Variants in GEMIN5 observed in about 807,000 individuals in gnomAD.
The protein encoded by GEMIN5 is gem nuclear organelle associated protein 5.
A neutral mutation model predicts 176.9 loss-of-function variants in GEMIN5; 124 were observed. The observed-to-expected ratio is 0.70, with a 90% CI of 0.61 to 0.81. The LOEUF is 0.81. GEMIN5 is among the 40% of genes least tolerant of loss of function. The probability of loss-of-function intolerance (pLI) is 0.00; values close to 1 mark genes in which losing one functional copy is unlikely to be tolerated. For missense variants in GEMIN5, 1,843 were observed against 1,814.6 expected (o/e 1.02, Z -0.28); for synonymous variants, 673 against 665.2 (o/e 1.01, Z -0.18).
Position 154,917,922 on chromosome 5 carries a change from AATAC to A in GEMIN5, c.1673+5_1673+8del. On this transcript the variant is annotated splice_donor_5th_base_variant and intron_variant, in intron 12 of 27. Transcript: ENST00000285873. ...GCAAATTTTTTATCTTAAAGAAGCAAATACATACCCATCTTCATTGCCAAGAGCC... is the reference window on the plus strand; with the variant it reads ...GCAAATTTTTTATCTTAAAGAAGCAAATACCCATCTTCATTGCCAAGAGCC... The A allele has an allele frequency of 6.3e-7, 1 of 1,583,334 alleles. No homozygotes were observed. The highest frequency in any genetic ancestry group is 8.7e-7 in the Non-Finnish European group (1 of 1,152,180).
At chr5:154,892,670 T>C (rs1030970715) in intron 24 of GEMIN5, 121 bp from the exon 25 acceptor site, 1 of 972,960 alleles carries the variant, frequency 1.0e-6, no homozygotes, top group Non-Finnish European at 1.5e-6. Context: ...ACTTTGAAAG[T>C]TCCTCTTGTC....
chr5:154,931,992 C>T (rs886437208), intron 4 of GEMIN5, 107 bp downstream of exon 4: 20 of 962,986 alleles, frequency 2.1e-5, no homozygotes, highest in Non-Finnish European at 4.6e-6. Context: ...GCAACAAAAG[C>T]AAAACTCCGT....
At chr5:154,902,907 A>G (rs1008690277) in intron 19 of GEMIN5, among the ~76,000 whole-genome samples, 173 bp downstream of exon 19, 8 of 152,234 alleles carry the variant, frequency 5.3e-5, no homozygotes, top group Non-Finnish European at 1.2e-4. Context: ...TTAGGATCCT[A>G]TGATGATGCA....
Position 154,924,560 on chromosome 5 carries a change from A to G in GEMIN5, c.1294-6T>C. ...TTGGTTGGGTGCCAGCACAGCTACA[A>G]AAAAAAGAGTTTCCAAGTGAGAATA... On this transcript the variant is annotated splice_polypyrimidine_tract_variant and splice_region_variant and intron_variant, in intron 8 of 27. Transcript: ENST00000285873. The G allele has an allele frequency of 6.3e-7, 1 of 1,591,860 alleles. No individual in the cohort carries two copies. The highest frequency in any genetic ancestry group is 8.6e-7 in the Non-Finnish European group (1 of 1,161,248).
chr5:154,891,055 CTTTT>C (rs548747613), intron 26 of GEMIN5, among the ~76,000 whole-genome samples, 182 bp downstream of exon 26: 3 of 93,938 alleles, frequency 3.2e-5, no homozygotes, highest in African/African-American at 4.4e-5. Context: ...TGTGCCCGGG[CTTTT>C]TTTTTTTTTT....
chr5:154,921,355 G>A lies in GEMIN5; in HGVS notation c.1450C>T (p.Pro484Ser). Reference sequence around the variant, plus strand: ...TTCAGATACTTACCAAGTGACATGGGGGGTACTGGTGGCCCCCAGGCTAAA... The same window carrying A: ...TTCAGATACTTACCAAGTGACATGGAGGGTACTGGTGGCCCCCAGGCTAAA... ...YTLAWGPPVP[P>S]MSLGGEGDRP... The change falls in exon 10 of 28, where the codon CCC becomes TCC. Residue 484 changes from proline (P) to serine (S), a missense_variant. Coordinates refer to ENST00000285873, the MANE Select transcript of GEMIN5 (RefSeq NM_015465.5). 2 of 1,346,466 alleles carry A rather than the reference G, an allele frequency of 1.5e-6. No homozygotes were observed. The highest frequency in any genetic ancestry group is 2.1e-6 in the Non-Finnish European group (2 of 941,890). The allele number at this position is 1,346,466 out of a possible 1,614,324, so 83.4% of individuals were successfully genotyped here.
intron 26 of GEMIN5, among the ~76,000 whole-genome samples, 189 bp downstream of exon 26, chr5:154,891,052 G>A (rs1282567539): frequency 7.7e-6 from 1 of 130,130 alleles, no homozygotes; most frequent in African/African-American, 2.8e-5. Flanking sequence ...CACTGTGCCC[G>A]GGCTTTTTTT....
rs1763348883 is a variant in GEMIN5, at chr5:154,896,225, G to A, written c.3464C>T (p.Pro1155Leu). The change falls in exon 24 of 28, where the codon CCT becomes CTT. Residue 1155 changes from proline (P) to leucine (L), a missense_variant. Pro to Leu is a moderately conservative substitution (Grantham distance 98). Coordinates refer to ENST00000285873, the MANE Select transcript of GEMIN5 (RefSeq NM_015465.5). Reference protein sequence around the residue: ...YHTWNTGTEGPFVERVTAVWK... With the variant: ...YHTWNTGTEGLFVERVTAVWK... ...CACTGCAGTCACCCTCTCCACGAAA[G>A]GCCCTTCGGTGCCCGTGTTCCAAGT... 6.2e-7 allele frequency: 1 copy of A among 1,613,712 alleles called. No homozygotes were observed.
rs773196128 is a variant in GEMIN5, at chr5:154,904,647, A to G, written c.2510-18T>C. ...TAAGGTTTCTGAAATTTAATAAAGT[A>G]CATACTATCTGAAGGAGAACTGATC... is the stretch of plus-strand genomic sequence containing the variant. On this transcript the variant is annotated intron_variant, in intron 17 of 27. Coordinates refer to ENST00000285873, the MANE Select transcript of GEMIN5 (RefSeq NM_015465.5). 3.1e-6 allele frequency: 5 copies of G among 1,595,858 alleles called. No individual in the cohort carries two copies. The South Asian group carries it at 4.4e-5, about 14-fold the overall frequency.
chr5:154,932,033 T>C, intron 4 of GEMIN5, 66 bp downstream of exon 4: 4 of 1,132,698 alleles, frequency 3.5e-6, no homozygotes, highest in East Asian at 2.5e-5. Context: ...TAAAAAATGA[T>C]ATAATTGTAC....
intron 11 of GEMIN5, among the ~76,000 whole-genome samples, chr5:154,919,156 C>T (rs1410837250): frequency 6.6e-6 from 1 of 151,860 alleles, no homozygotes; most frequent in Non-Finnish European, 1.5e-5. Flanking sequence ...TGGTGAAACC[C>T]CATCTCTACT....
At position 154,918,404 on chromosome 5, in the gene GEMIN5, C is replaced by G. The variant is rs1054673832; in HGVS notation, c.1600-400G>C. On this transcript the variant is annotated intron_variant, in intron 11 of 27. Coordinates refer to ENST00000285873, the MANE Select transcript of GEMIN5 (RefSeq NM_015465.5). ...TCCCTGAATCATTTCCCTCCCATAT[C>G]TATATGCTGGTATTCCCCAAGGCTG... Among the ~76,000 whole-genome samples the G allele has an allele frequency of 4.6e-5, 7 of 152,176 alleles. No individual in the cohort carries two copies. The South Asian group carries it at 1.4e-3, about 32-fold the overall frequency.
In GEMIN5 at chr5:154,938,151, G is replaced by A. The variant is rs574787805; in HGVS notation, c.-18C>T. The A allele has an allele frequency of 3.5e-5, 47 of 1,357,476 alleles. No homozygotes were observed. The highest frequency in any genetic ancestry group is 5.9e-5 in the South Asian group (3 of 51,178). 84.1% of individuals were successfully genotyped at this position (1,357,476 alleles called of 1,614,324 possible). The stretch of plus-strand genomic sequence containing the variant: ...TGCCCCATAACTACAAGCCGTCAGA[G>A]ACAAGAGAAGCTGCCACAGCCGACC... On this transcript the variant is annotated 5_prime_UTR_variant, in exon 1 of 28. Coordinates refer to ENST00000285873, the MANE Select transcript of GEMIN5 (RefSeq NM_015465.5).
At chr5:154,932,417 T>A (rs552187107) in intron 3 of GEMIN5, among the ~76,000 whole-genome samples, 167 bp from the exon 4 acceptor site, 64 of 152,314 alleles carry the variant, frequency 4.2e-4, no homozygotes, top group African/African-American at 1.4e-3. Flanking sequence ...TTCCTTTTTT[T>A]AAAGTGCTCA....
At chr5:154,928,878 G>C (rs943055023) in intron 5 of GEMIN5, among the ~76,000 whole-genome samples, 23 of 151,860 alleles carry the variant, frequency 1.5e-4, no homozygotes, top group African/African-American at 5.3e-4. Flanking sequence ...GCTACATTTA[G>C]GTCAAACAAG....
intron 1 of GEMIN5, among the ~76,000 whole-genome samples, 170 bp downstream of exon 1, chr5:154,937,798 A>G (rs1764301199): frequency 6.6e-6 from 1 of 152,176 alleles, no homozygotes; most frequent in Admixed American, 6.5e-5. Flanking sequence ...AGCATGGTGT[A>G]GCTCATTAGG....
intron 7 of GEMIN5, among the ~76,000 whole-genome samples, chr5:154,926,985 A>G: frequency 6.6e-6 from 1 of 151,440 alleles, no homozygotes; most frequent in Non-Finnish European, 1.5e-5. Context: ...GGGGAGGTGG[A>G]GCTTGCAGTG....
intron 23 of GEMIN5, among the ~76,000 whole-genome samples, chr5:154,897,487 C>T (rs1763373908): frequency 6.6e-6 from 1 of 152,046 alleles, no homozygotes; most frequent in Non-Finnish European, 1.5e-5. Context: ...TCCATTTTCC[C>T]ACACTTTTCT....
chr5:154,890,542 C>T (rs1185454630), intron 26 of GEMIN5, among the ~76,000 whole-genome samples: 1 of 150,344 alleles, frequency 6.7e-6, no homozygotes, highest in African/African-American at 2.5e-5. Context: ...TATCTCACTA[C>T]AGCCTCGAAC....
Sources: gnomAD v4.1 joint callset for allele counts (sites outside exome capture counted in the v4.1 genomes callset) on GRCh38, gnomAD v4.1.1 for gene constraint, MANE v1.5 for transcripts, NCBI Gene and HGNC (gene_info 2026-07-23, HGNC 2026-07-21) for gene names.